Variants in CRHBP observed in about 807,000 individuals in gnomAD.
The protein encoded by CRHBP is corticotropin releasing hormone binding protein, also known as corticotropin-releasing hormone-binding protein.
In CRHBP, 19 loss-of-function variants were observed where a neutral mutation model predicts 34.9. That is an observed-to-expected ratio of 0.55 (90% CI 0.38 to 0.80). The LOEUF is 0.80. Among genes scored for constraint, CRHBP ranks in the 30% least tolerant of loss-of-function variants. The pLI is 0.00. For missense variants in CRHBP, 328 were observed against 409.2 expected (o/e 0.80, Z 1.71); for synonymous variants, 154 against 153.4 (o/e 1.00, Z -0.03).
rs368546754 is a variant in CRHBP, at chr5:76,980,845, G to A, written n.468-116G>A. On this transcript the variant is annotated intron_variant and non_coding_transcript_variant, in intron 3 of 3. Transcript: ENST00000514258. ...TATTAATTTTTGCGGGAAGGGCTCC[G>A]AAAAATTTTTCCTTGTACTCAGCTA... is the stretch of plus-strand genomic sequence containing the variant. The A allele has an allele frequency of 4.6e-5, 7 of 152,254 alleles. No individual in the cohort carries two copies. In the East Asian group the frequency reaches 9.6e-4, roughly 21 times the overall value. The allele number at this position is 152,254 out of a possible 1,614,324, so 9.4% of individuals were successfully genotyped here.
chr5:76,977,973 C>G (rs1746065480), intron 3 of CRHBP, among the ~76,000 whole-genome samples: 1 of 152,190 alleles, frequency 6.6e-6, no homozygotes, highest in East Asian at 1.9e-4. Context: ...TTTGAGTGTT[C>G]TGGATACATA....
chr5:76,954,025 C>A lies in CRHBP; in HGVS notation c.176-4C>A, dbSNP rs762057956. On this transcript the variant is annotated splice_region_variant and splice_polypyrimidine_tract_variant and intron_variant, in intron 2 of 6. Transcript: ENST00000274368. ...ACTTATTGCCCCATGCCCTCCTCCC[C>A]CAGGGTGCCTGGACATGCTGAGCCT... The A allele has an allele frequency of 6.2e-7, 1 of 1,611,508 alleles. No homozygotes were observed. Among genetic ancestry groups the A allele is most frequent in the Non-Finnish European group, 8.5e-7 (1 of 1,178,822 alleles).
Position 76,967,824 on chromosome 5 carries a change from G to A in CRHBP, c.812-904G>A, listed in dbSNP as rs372262754. Among the ~76,000 whole-genome samples, 401 of 151,456 alleles carry A rather than the reference G, an allele frequency of 2.6e-3. 1 individual carries two copies. The highest frequency in any genetic ancestry group is 9.3e-3 in the African/African-American group (383 of 41,278). On this transcript the variant is annotated intron_variant, in intron 6 of 6. Transcript: ENST00000274368. ...AGCAATTCTTCTGCCTCAGCCTCCC[G>A]AGTAGCTGGGACTACAGGTGCGCAC...
chr5:76,965,527 TC>T (rs1745848202), intron 6 of CRHBP, among the ~76,000 whole-genome samples: 1 of 152,218 alleles, frequency 6.6e-6, no homozygotes, highest in East Asian at 1.9e-4. Flanking sequence ...CTAAAGTACT[TC>T]CATGCTCATG....
intron 6 of CRHBP, among the ~76,000 whole-genome samples, chr5:76,967,241 C>CA (rs1389102443): frequency 2.0e-5 from 3 of 150,222 alleles, no homozygotes; most frequent in Admixed American, 6.6e-5. Flanking sequence ...GATCCTGCCA[C>CA]AAAAAAAAGA....
At chr5:76,964,890 A>T (rs1457501524) in intron 6 of CRHBP, among the ~76,000 whole-genome samples, 1 of 151,896 alleles carries the variant, frequency 6.6e-6, no homozygotes, top group Admixed American at 6.6e-5. Flanking sequence ...ATATATATTC[A>T]GTGTAATTCC....
intron 5 of CRHBP, among the ~76,000 whole-genome samples, chr5:76,963,039 C>T (rs1745802883): frequency 6.6e-6 from 1 of 152,056 alleles, no homozygotes; most frequent in Admixed American, 6.6e-5. Flanking sequence ...AATTTCCACA[C>T]ATCTTATATG....
chr5:76,959,931 G>A (rs6453267), intron 5 of CRHBP, among the ~76,000 whole-genome samples: 10,640 of 152,186 alleles, frequency 0.07, 1,150 homozygotes, highest in African/African-American at 0.24. Context: ...GTTTCCTCCC[G>A]AACAATTTAG....
intron 6 of CRHBP, among the ~76,000 whole-genome samples, chr5:76,964,931 G>A (rs985484633): frequency 1.3e-5 from 2 of 151,540 alleles, no homozygotes; most frequent in African/African-American, 4.9e-5. Context: ...CAGGAGGATC[G>A]CTTGAGCCCA....
At chr5:76,970,794 C>G (rs561976390), downstream of CRHBP, among the ~76,000 whole-genome samples, 1 of 152,250 alleles carries the variant, frequency 6.6e-6, no homozygotes, top group South Asian at 2.1e-4. Flanking sequence ...AGTTAGGAAA[C>G]TTCTTTTATT....
intron 5 of CRHBP, among the ~76,000 whole-genome samples, chr5:76,962,898 A>C (rs1745801252): frequency 6.6e-6 from 1 of 152,222 alleles, no homozygotes; most frequent in Non-Finnish European, 1.5e-5. Context: ...TGAAGGAAAA[A>C]CGGATGTGAA....
chr5:76,960,850 T>G (rs1015408824), intron 5 of CRHBP, among the ~76,000 whole-genome samples: 1 of 151,966 alleles, frequency 6.6e-6, no homozygotes, highest in Non-Finnish European at 1.5e-5. Flanking sequence ...CTGCAACCTC[T>G]GCCTCCGAGG....
At chr5:76,972,175 G>T (rs1440322692), downstream of CRHBP, among the ~76,000 whole-genome samples, 2 of 151,712 alleles carry the variant, frequency 1.3e-5, no homozygotes, top group East Asian at 3.9e-4. Context: ...TGGGGGTCAC[G>T]GGTGCATGCT....
chr5:76,969,712 T>TCAGAATA (rs1452660776), downstream of CRHBP, among the ~76,000 whole-genome samples: 1 of 152,146 alleles, frequency 6.6e-6, no homozygotes, highest in Non-Finnish European at 1.5e-5. Context: ...TCCGCTATCC[T>TCAGAATA]CAGAATACGT....
intron 3 of CRHBP, among the ~76,000 whole-genome samples, chr5:76,978,892 A>T (rs1746077614): frequency 6.6e-6 from 1 of 152,244 alleles, no homozygotes; most frequent in Non-Finnish European, 1.5e-5. Flanking sequence ...AGGAAGTTCT[A>T]CTATAGGTAA....
rs905714756 is a variant in CRHBP, at chr5:76,974,903, C to A, written n.312-1462C>A. ...TGAAAACATAATGAAATAGAGGTCT[C>A]TAAATTGGATTCTGGGCTTTGCTCT... On this transcript the variant is annotated intron_variant and non_coding_transcript_variant, in intron 2 of 3. Coordinates refer to the CRHBP transcript ENST00000514258. 2.6e-5 allele frequency among the ~76,000 whole-genome samples: 4 copies of A among 152,164 alleles called. No individual in the cohort carries two copies. The South Asian group carries it at 8.3e-4, about 32-fold the overall frequency.
At chr5:76,974,305 C>T (rs1395495896), downstream of CRHBP, among the ~76,000 whole-genome samples, 4 of 152,028 alleles carry the variant, frequency 2.6e-5, no homozygotes, top group Non-Finnish European at 4.4e-5. Flanking sequence ...GCGTGAGCCA[C>T]GGTGCCCGGC....
intron 3 of CRHBP, among the ~76,000 whole-genome samples, chr5:76,954,455 G>T (rs1745633569): frequency 6.6e-6 from 1 of 152,208 alleles, no homozygotes; most frequent in Non-Finnish European, 1.5e-5. Context: ...TTCCCTTCTG[G>T]GCGCTTTCGA....
intron 1 of CRHBP, 171 bp from the exon 2 acceptor site, chr5:76,953,430 C>G: frequency 1.1e-6 from 1 of 877,776 alleles, no homozygotes; most frequent in Non-Finnish European, 1.8e-6. Flanking sequence ...TGGGGATACC[C>G]TGGCCTGATG....
Sources: gnomAD v4.1 joint callset for allele counts (sites outside exome capture counted in the v4.1 genomes callset) on GRCh38, gnomAD v4.1.1 for gene constraint, MANE v1.5 for transcripts, NCBI Gene and HGNC (gene_info 2026-07-23, HGNC 2026-07-21) for gene names.